The following SYNM variants were observed in gnomAD, a reference collection of about 807,000 sequenced individuals.
SYNM encodes the protein desmuslin.
Under a neutral mutation model 104.0 loss-of-function variants are expected in SYNM, and 95 were observed. The observed-to-expected ratio is 0.91, with a 90% CI of 0.77 to 1.08. SYNM has a LOEUF of 1.08. Among genes scored for constraint, SYNM ranks in the 50% least tolerant of loss-of-function variants. The pLI, the probability that SYNM is intolerant of heterozygous loss-of-function variation, is 0.00. For synonymous variants in SYNM, 918 were observed against 869.0 expected (o/e 1.06, Z -0.99); for missense variants, 2,150 against 2,052.2 (o/e 1.05, Z -0.92).
Position 99,105,518 on chromosome 15 carries a change from G to T in SYNM, c.319G>T (p.Gly107Cys). 1 of 1,262,480 alleles carries T rather than the reference G, an allele frequency of 7.9e-7. No homozygotes were observed. The highest frequency in any genetic ancestry group is 2.7e-5 in the South Asian group (1 of 37,334). The allele number at this position is 1,262,480 out of a possible 1,614,324, so 78.2% of individuals were successfully genotyped here. ...RLDAEERAAR[G>C]RLDAELGAQQ... ...GGATGCGGAGGAGCGCGCCGCCCGC[G>T]GCCGCCTGGACGCCGAGCTGGGTGC... The change falls in exon 1 of 4, where the codon GGC becomes TGC. Residue 107 changes from glycine to cysteine, a missense_variant. Physicochemically the swap from Gly to Cys is radical, Grantham distance 159. Coordinates refer to ENST00000336292, the MANE Select transcript of SYNM (RefSeq NM_145728.3).
rs1372224318 is a variant in SYNM, at chr15:99,105,695, T to G, written c.496T>G (p.Phe166Val). Residue 166 changes from phenylalanine to valine, a missense_variant, in exon 1 of 4, where the codon TTC becomes GTC. Physicochemically the swap from Phe to Val is conservative, Grantham distance 50. Transcript: ENST00000336292. ...GCGCGCCGCCAGCCTTACCATGCAT[T>G]TCCGCGCCCGCGCCACCGGCCCCGC... ...RARAASLTMH[F>V]RARATGPAAP... 1.3e-6 allele frequency: 2 copies of G among 1,482,426 alleles called. No homozygotes were observed. Among genetic ancestry groups the G allele is most frequent in the African/African-American group, 3.0e-5 (2 of 67,336 alleles). The allele number at this position is 1,482,426 out of a possible 1,614,324, so 91.8% of individuals were successfully genotyped here. A position where few individuals can be genotyped will look rare whatever the true frequency, so the allele number is the denominator to read the frequency against.
In SYNM at chr15:99,105,734, C is replaced by A; in HGVS notation, c.535C>A (p.Arg179Ser). Residue 179 changes from arginine (R) to serine (S), a missense_variant, in exon 1 of 4, where the codon CGC (arginine) becomes AGC (serine). By Grantham distance (110) the Arg-to-Ser change is moderately radical (BLOSUM62 -1). Coordinates refer to ENST00000336292, the MANE Select transcript of SYNM (RefSeq NM_145728.3). ...CACCGGCCCCGCCGCGCCGCCGCCACGCCTGCGGGAGGTGCACGACAGCTA... is the reference window on the plus strand; with the variant it reads ...CACCGGCCCCGCCGCGCCGCCGCCAAGCCTGCGGGAGGTGCACGACAGCTA... ...RATGPAAPPP[R>S]LREVHDSYAL... 1 of 1,506,542 alleles carries A rather than the reference C, an allele frequency of 6.6e-7. No individual in the cohort carries two copies. Among genetic ancestry groups the A allele is most frequent in the Non-Finnish European group, 8.8e-7 (1 of 1,130,648 alleles). The allele number at this position is 1,506,542 out of a possible 1,614,324, so 93.3% of individuals were successfully genotyped here.
At chr15:99,112,233 A>G (rs2067305759) in intron 1 of SYNM, among the ~76,000 whole-genome samples, 1 of 152,236 alleles carries the variant, frequency 6.6e-6, no homozygotes, top group African/African-American at 2.4e-5. Context: ...TGAATTCTAC[A>G]AAGATAAATG....
At chr15:99,110,149 T>C (rs1476094678) in intron 1 of SYNM, among the ~76,000 whole-genome samples, 1 of 152,102 alleles carries the variant, frequency 6.6e-6, no homozygotes. Context: ...GAGGGAGAAA[T>C]CACAGTGGAC....
chr15:99,126,213 G>T (rs182920947), intron 2 of SYNM, among the ~76,000 whole-genome samples: 1 of 152,162 alleles, frequency 6.6e-6, no homozygotes, highest in Non-Finnish European at 1.5e-5. Context: ...CACAGATGCA[G>T]TCTGGCTGCC....
At chr15:99,123,229 C>T (rs1255001124) in intron 2 of SYNM, among the ~76,000 whole-genome samples, 1 of 151,970 alleles carries the variant, frequency 6.6e-6, no homozygotes, top group Admixed American at 6.5e-5. Context: ...TCCAGACATC[C>T]TGACTCCAGA....
rs1421784619 is a variant in SYNM at position 99,135,309 on chromosome 15, C to G, written c.*2251C>G. Reference sequence around the variant, plus strand: ...ACACTGTGACATTGTGACATTGTGACAAGCTCCATGTCCTTTAAAATCAGT... The same window carrying G: ...ACACTGTGACATTGTGACATTGTGAGAAGCTCCATGTCCTTTAAAATCAGT... On this transcript the variant is annotated 3_prime_UTR_variant, in exon 4 of 4. Coordinates refer to ENST00000336292, the MANE Select transcript of SYNM (RefSeq NM_145728.3). The G allele has an allele frequency of 1.3e-5, 2 of 152,606 alleles. No homozygotes were observed. Among genetic ancestry groups the G allele is most frequent in the Admixed American group, 1.3e-4 (2 of 15,276 alleles). 9.5% of individuals were successfully genotyped at this position (152,606 alleles called of 1,614,324 possible).
chr15:99,105,549 A>G lies in SYNM; in HGVS notation c.350A>G (p.Gln117Arg), dbSNP rs1473119271. 4 of 1,207,526 alleles carry G rather than the reference A, an allele frequency of 3.3e-6. No homozygotes were observed. The highest frequency in any genetic ancestry group is 1.6e-5 in the African/African-American group (1 of 62,262). 74.8% of individuals were successfully genotyped at this position (1,207,526 alleles called of 1,614,324 possible). A position where few individuals can be genotyped will look rare whatever the true frequency, so the allele number is the denominator to read the frequency against. Reference protein sequence around the residue: ...GRLDAELGAQQRELQEALGAR... With the variant: ...GRLDAELGAQRRELQEALGAR... Reference sequence around the variant, plus strand: ...CTGGACGCCGAGCTGGGTGCGCAGCAGCGCGAGCTGCAGGAGGCGCTGGGC... The same window carrying G: ...CTGGACGCCGAGCTGGGTGCGCAGCGGCGCGAGCTGCAGGAGGCGCTGGGC... The change falls in exon 1 of 4, where the codon CAG becomes CGG. Residue 117 changes from glutamine (Q) to arginine (R), a missense_variant. Physicochemically the swap from Gln to Arg is conservative, Grantham distance 43. Transcript: ENST00000336292.
rs530141940 is a variant in SYNM at position 99,132,820 on chromosome 15, G to C, written c.4460G>C (p.Arg1487Pro). Residue 1487 changes from arginine to proline, a missense_variant, in exon 4 of 4, where the codon CGT becomes CCT. Physicochemically the swap from Arg to Pro is moderately radical, Grantham distance 103. Coordinates refer to ENST00000336292, the MANE Select transcript of SYNM (RefSeq NM_145728.3). The stretch of plus-strand genomic sequence containing the variant: ...GCGGGAGCTCTCGGTGTGTCTGACC[G>C]TGGTTCCTGGAGAGACGCGGACAGT... ...QEAGALGVSD[R>P]GSWRDADSRN... The C allele has an allele frequency of 6.2e-7, 1 of 1,613,688 alleles. No homozygotes were observed. The highest frequency in any genetic ancestry group is 8.5e-7 in the Non-Finnish European group (1 of 1,179,832).
At position 99,131,876 on chromosome 15, in the gene SYNM, G is replaced by GC. The variant is rs782668834; in HGVS notation, c.3517dup (p.His1173ProfsTer59). 3 of 1,613,964 alleles carry GC rather than the reference G, an allele frequency of 1.9e-6. No homozygotes were observed. Among genetic ancestry groups the GC allele is most frequent in the Non-Finnish European group, 2.5e-6 (3 of 1,179,890 alleles). On this transcript the variant is annotated frameshift_variant, in exon 4 of 4. Coordinates refer to ENST00000336292, the MANE Select transcript of SYNM (RefSeq NM_145728.3). LOFTEE classifies it high-confidence loss of function. This position sits in a 1 kb window ranked among gnomAD's most constrained non-coding sequence, Gnocchi z 4.3. ...CGACCGGAGCCAGCCGGTCTGTGAGGCATGTCACGCTGGGTCCCGGTCAAA... is the reference window on the plus strand; with the variant it reads ...CGACCGGAGCCAGCCGGTCTGTGAGGCCATGTCACGCTGGGTCCCGGTCAAA...
chr15:99,129,513 C>CA lies in SYNM; in HGVS notation c.1154dup (p.Thr386AspfsTer8). 6.8e-6 allele frequency: 11 copies of CA among 1,613,998 alleles called. No individual in the cohort carries two copies. Among genetic ancestry groups the CA allele is most frequent in the Non-Finnish European group, 9.3e-6 (11 of 1,179,906 alleles). ...TAACCTGTCAGGGCACCGTGGATCT[C>CA]AGACGGGCACATCTATTGGAGGTGA... On this transcript the variant is annotated frameshift_variant, in exon 4 of 4. Transcript: ENST00000336292. LOFTEE classifies it low-confidence loss of function (END_TRUNC).
At chr15:99,139,707 C>G (rs1555489294), downstream of SYNM, 5 of 1,364,232 alleles carry the variant, frequency 3.7e-6, no homozygotes, top group Admixed American at 6.6e-5. Flanking sequence ...AGAGGATGGG[C>G]TCCAGTTTCT....
At chr15:99,118,134 C>T (rs997375633) in intron 2 of SYNM, among the ~76,000 whole-genome samples, 4 of 150,060 alleles carry the variant, frequency 2.7e-5, no homozygotes, top group East Asian at 3.9e-4. Flanking sequence ...GGTATAGTCT[C>T]GGAGATGCCC....
At position 99,107,073 on chromosome 15, in the gene SYNM, T is replaced by C. The variant is rs1034524532; in HGVS notation, c.810+1064T>C. Among the ~76,000 whole-genome samples the C allele has an allele frequency of 3.0e-4, 45 of 152,368 alleles. 1 individual carries two copies. The highest frequency in any genetic ancestry group is 2.4e-3 in the Admixed American group (36 of 15,308). On this transcript the variant is annotated intron_variant, in intron 1 of 3. Transcript: ENST00000336292. ...TCTCCCTGGGTCCCCAGCACTGCCC[T>C]AGACTTTCAGTATGCAAAGAGCTAC...
chr15:99,106,606 C>G (rs185676676), intron 1 of SYNM, among the ~76,000 whole-genome samples: 10 of 152,380 alleles, frequency 6.6e-5, no homozygotes, highest in Admixed American at 3.3e-4. Context: ...GTTTTGCTCA[C>G]AGCACACGCT....
chr15:99,117,077 C>T (rs1249542451), intron 2 of SYNM, among the ~76,000 whole-genome samples: 1 of 139,202 alleles, frequency 7.2e-6, no homozygotes, highest in Non-Finnish European at 1.6e-5. Context: ...AGCGATCCCC[C>T]CCATAACCCA....
rs145150767 is a variant in SYNM at position 99,119,221 on chromosome 15, C to T, written c.935+5506C>T. Among the ~76,000 whole-genome samples, 4 of 152,352 alleles carry T rather than the reference C, an allele frequency of 2.6e-5. No individual in the cohort carries two copies. The South Asian group carries it at 6.2e-4, about 24-fold the overall frequency. On this transcript the variant is annotated intron_variant, in intron 2 of 3. Transcript: ENST00000336292. ...TGGAACCGGCACAGTGGTTTCAAAC[C>T]TCCCTGGATGATTGTCAGGTACCAC...
At chr15:99,120,764 C>T (rs1555484448) in intron 2 of SYNM, among the ~76,000 whole-genome samples, 1 of 152,042 alleles carries the variant, frequency 6.6e-6, no homozygotes, top group African/African-American at 2.4e-5. Context: ...GGGGAGGCTT[C>T]TAGAGGGATT....
the SYNM span, chr15:99,141,170 C>G: frequency 1.3e-5 from 2 of 151,850 alleles, no homozygotes; most frequent in African/African-American, 4.8e-5. Context: ...AACAATTTAG[C>G]AATATTTAGT....
Sources: allele counts gnomAD v4.1 joint callset (sites outside exome capture counted in the v4.1 genomes callset), GRCh38; gene constraint gnomAD v4.1.1; non-coding constraint Gnocchi (gnomAD v3.1); transcripts MANE v1.5; gene names NCBI Gene and HGNC (gene_info 2026-07-23, HGNC 2026-07-21).